Variants in GTF2IRD2B observed in about 807,000 individuals in gnomAD.
GTF2IRD2B encodes general transcription factor II-I repeat domain-containing protein 2B.
A neutral mutation model predicts 55.6 loss-of-function variants in GTF2IRD2B; 10 were observed. That is an observed-to-expected ratio of 0.18 (90% CI 0.11 to 0.31). GTF2IRD2B has a LOEUF of 0.31. Among genes scored for constraint, GTF2IRD2B ranks in the 10% least tolerant of loss-of-function variants. The probability of loss-of-function intolerance (pLI) is 1.00; values close to 1 mark genes in which losing one functional copy is unlikely to be tolerated. For synonymous variants in GTF2IRD2B, 107 were observed against 320.5 expected (o/e 0.33, Z 7.12); for missense variants, 206 against 802.7 (o/e 0.26, Z 8.98).
chr7:75,123,765 C>G, intron 6 of GTF2IRD2B: 1 of 540,662 alleles, frequency 1.8e-6, no homozygotes, highest in South Asian at 1.9e-5. Flanking sequence ...GTAGTCCCAG[C>G]TACTCGGGAG....
At chr7:75,096,600 A>G (rs1393505128) in intron 1 of GTF2IRD2B, among the ~76,000 whole-genome samples, 1 of 85,420 alleles carries the variant, frequency 1.2e-5, no homozygotes, top group Non-Finnish European at 2.1e-5. Context: ...TTTTTTTTGG[A>G]TTTTTAGTAG....
intron 1 of GTF2IRD2B, among the ~76,000 whole-genome samples, chr7:75,101,208 A>C (rs1807541632): frequency 7.5e-6 from 1 of 133,404 alleles, no homozygotes; most frequent in African/African-American, 2.8e-5. Flanking sequence ...AAAAACAAAT[A>C]AATAAATATG....
At chr7:75,101,242 C>A (rs1379904182) in intron 1 of GTF2IRD2B, among the ~76,000 whole-genome samples, 1 of 146,460 alleles carries the variant, frequency 6.8e-6, no homozygotes, top group Non-Finnish European at 1.5e-5. Flanking sequence ...TATTGAGATA[C>A]AATTCATATA....
intron 1 of GTF2IRD2B, among the ~76,000 whole-genome samples, chr7:75,101,581 A>G (rs1275908811): frequency 1.3e-5 from 2 of 150,736 alleles, no homozygotes; most frequent in Non-Finnish European, 3.0e-5. Flanking sequence ...AGACCCTGTC[A>G]GAAAAAATAA....
Position 75,149,401 on chromosome 7 carries a change from G to T in GTF2IRD2B, c.*104G>T, listed in dbSNP as rs1307747242. 5.2e-6 allele frequency: 4 copies of T among 773,192 alleles called. No individual in the cohort carries two copies. Among genetic ancestry groups the T allele is most frequent in the African/African-American group, 1.7e-5 (1 of 58,506 alleles). The allele number at this position is 773,192 out of a possible 1,614,324, so 47.9% of individuals were successfully genotyped here. On this transcript the variant is annotated 3_prime_UTR_variant, in exon 16 of 16. Transcript: ENST00000472837. Reference sequence around the variant, plus strand: ...AATGAATTTTTTTTTTCTTTTTTGAGATGGAGTCTTGCTCTGTCGCCCAGG... The same window carrying T: ...AATGAATTTTTTTTTTCTTTTTTGATATGGAGTCTTGCTCTGTCGCCCAGG...
intron 9 of GTF2IRD2B, among the ~76,000 whole-genome samples, chr7:75,134,389 AAAC>A (rs1347437129): frequency 7.0e-6 from 1 of 142,848 alleles, no homozygotes; most frequent in South Asian, 2.1e-4. Flanking sequence ...CTCTCTCTCA[AAAC>A]AACAACAAAA....
At chr7:75,120,412 C>A (rs1808326751) in intron 3 of GTF2IRD2B, among the ~76,000 whole-genome samples, 1 of 43,908 alleles carries the variant, frequency 2.3e-5, no homozygotes, top group East Asian at 4.0e-4. Context: ...GGGTGCAGTG[C>A]CTCACACCTG....
intron 3 of GTF2IRD2B, among the ~76,000 whole-genome samples, chr7:75,113,782 G>GTA (rs1491551485): frequency 0.01 from 57 of 5,460 alleles, 1 homozygote; most frequent in African/African-American, 0.021. Context: ...GGGTATAAGG[G>GTA]TGTGTGTGTG....
chr7:75,118,116 A>C (rs1465578523), intron 3 of GTF2IRD2B, among the ~76,000 whole-genome samples: 1 of 152,022 alleles, frequency 6.6e-6, no homozygotes, highest in East Asian at 1.9e-4. Flanking sequence ...GGAAGAAAGA[A>C]AATTGCAGAA....
intron 1 of GTF2IRD2B, among the ~76,000 whole-genome samples, chr7:75,104,053 C>CA (rs587607735): frequency 0.064 from 5,546 of 87,308 alleles, 398 homozygotes; most frequent in African/African-American, 0.23. Flanking sequence ...GACTCCGTCT[C>CA]AAAAAAAAAA....
intron 8 of GTF2IRD2B, among the ~76,000 whole-genome samples, chr7:75,132,742 A>G (rs1247688325): frequency 6.8e-6 from 1 of 146,858 alleles, no homozygotes; most frequent in Admixed American, 6.6e-5. Context: ...TAGTAGAGAC[A>G]GGGTTTCACC....
chr7:75,148,226 C>A lies in GTF2IRD2B; in HGVS notation c.1779C>A (p.Asn593Lys), dbSNP rs147320355. ...CCATGACGGGTACAAAATCTGGCAA[C>A]GAGATCTTTTTGCGTGTTGAGAAGA... is the stretch of plus-strand genomic sequence containing the variant. ...TVPMTGTKSG[N>K]EIFLRVEKSL... The change falls in exon 16 of 16, where the codon AAC becomes AAA. Residue 593 changes from asparagine to lysine, a missense_variant. Physicochemically the swap from Asn to Lys is moderately conservative, Grantham distance 94. Transcript: ENST00000472837. 1 of 1,613,856 alleles carries A rather than the reference C, an allele frequency of 6.2e-7. No homozygotes were observed. The highest frequency in any genetic ancestry group is 1.7e-5 in the Admixed American group (1 of 59,976).
intron 9 of GTF2IRD2B, among the ~76,000 whole-genome samples, chr7:75,133,686 G>A (rs1284178085): frequency 6.7e-6 from 1 of 148,828 alleles, no homozygotes; most frequent in East Asian, 1.9e-4. Context: ...GGGATTACAG[G>A]CGTGTGCCAC....
rs1396338440 is a variant in GTF2IRD2B, at chr7:75,105,016, A to G, written c.-5-3944A>G. 4.6e-5 allele frequency among the ~76,000 whole-genome samples: 7 copies of G among 152,392 alleles called. 1 individual carries two copies. Among genetic ancestry groups the G allele is most frequent in the African/African-American group, 1.4e-4 (6 of 41,598 alleles). On this transcript the variant is annotated intron_variant, in intron 1 of 15. Coordinates refer to ENST00000472837, the MANE Select transcript of GTF2IRD2B (RefSeq NM_001003795.3). ...AGTTGGAGACCAGTCTGGGCAACAT[A>G]GTGAAACCCCGTCTCTACTAAAATG...
chr7:75,149,513 T>A lies in GTF2IRD2B; in HGVS notation c.*216T>A. The A allele has an allele frequency of 3.6e-6, 2 of 555,068 alleles. No homozygotes were observed. Among genetic ancestry groups the A allele is most frequent in the Non-Finnish European group, 6.5e-6 (2 of 309,758 alleles). 34.4% of individuals were successfully genotyped at this position (555,068 alleles called of 1,614,324 possible). The stretch of plus-strand genomic sequence containing the variant: ...CTCCTGCCTCAGCCTCCCGAGCAGC[T>A]GGGACTACAGGCATGCGCCACCATG... On this transcript the variant is annotated 3_prime_UTR_variant, in exon 16 of 16. Transcript: ENST00000472837.
In GTF2IRD2B at chr7:75,108,580, C is replaced by T. The variant is rs1807862448; in HGVS notation, c.-5-380C>T. Among the ~76,000 whole-genome samples the T allele has an allele frequency of 4.0e-5, 2 of 49,870 alleles. 1 individual carries two copies. Among genetic ancestry groups the T allele is most frequent in the Non-Finnish European group, 8.3e-5 (2 of 24,014 alleles). The allele number at this position is 49,870 out of a possible 152,430, so 32.7% of individuals were successfully genotyped here. A position where few individuals can be genotyped will look rare whatever the true frequency, so the allele number is the denominator to read the frequency against. On this transcript the variant is annotated intron_variant, in intron 1 of 15. Coordinates refer to ENST00000472837, the MANE Select transcript of GTF2IRD2B (RefSeq NM_001003795.3). The stretch of plus-strand genomic sequence containing the variant: ...TTTGAGACCAGCCTAGGTAACGTGG[C>T]GAAACCCCGTCTTTACAAAAAATAC...
At chr7:75,104,153 TACTCTG>T in intron 1 of GTF2IRD2B, among the ~76,000 whole-genome samples, 1 of 133,564 alleles carries the variant, frequency 7.5e-6, no homozygotes, top group South Asian at 2.6e-4. Context: ...GATGGAATCT[TACTCTG>T]TTGCCCCACC....
At chr7:75,101,266 C>T (rs1219233569) in intron 1 of GTF2IRD2B, among the ~76,000 whole-genome samples, 1 of 149,402 alleles carries the variant, frequency 6.7e-6, no homozygotes, top group African/African-American at 2.5e-5. Flanking sequence ...ATACAGTTCA[C>T]CCATTTGAAG....
At chr7:75,137,069 G>A (rs1208334538) in intron 11 of GTF2IRD2B, among the ~76,000 whole-genome samples, 1 of 150,888 alleles carries the variant, frequency 6.6e-6, no homozygotes, top group Non-Finnish European at 1.5e-5. Flanking sequence ...CAGGCGTGGT[G>A]GTGCATGTCT....
Sources: gnomAD v4.1 joint callset for allele counts (sites outside exome capture counted in the v4.1 genomes callset) on GRCh38, gnomAD v4.1.1 for gene constraint, MANE v1.5 for transcripts, NCBI Gene and HGNC (gene_info 2026-07-23, HGNC 2026-07-21) for gene names.